ASIC2: variants seen among roughly 807,000 people sequenced by gnomAD.
ASIC2 encodes acid-sensing ion channel 2.
Under a neutral mutation model 57.3 loss-of-function variants are expected in ASIC2, and 25 were observed. That is an observed-to-expected ratio of 0.44 (90% CI 0.32 to 0.61). ASIC2 has a LOEUF of 0.61. Among genes scored for constraint, ASIC2 ranks in the 20% least tolerant of loss-of-function variants. The pLI is 0.06. For synonymous variants in ASIC2, 319 were observed against 307.5 expected (o/e 1.04, Z -0.39); for missense variants, 641 against 738.1 (o/e 0.87, Z 1.52).
intron 1 of ASIC2, among the ~76,000 whole-genome samples, chr17:33,383,633 T>G (rs941715924): frequency 2.0e-5 from 3 of 152,098 alleles, no homozygotes; most frequent in Non-Finnish European, 2.9e-5. Context: ...AGAGACAGAG[T>G]CAGGTTAGCC....
At chr17:33,623,296 CTG>C (rs1905866645) in intron 1 of ASIC2, among the ~76,000 whole-genome samples, 2 of 151,972 alleles carry the variant, frequency 1.3e-5, no homozygotes, top group Admixed American at 1.3e-4. Flanking sequence ...GAGTCTCTCT[CTG>C]TCACCAGGTT....
intron 1 of ASIC2, chr17:34,001,951 C>T (rs1164483862): frequency 6.6e-6 from 1 of 152,210 alleles, no homozygotes; most frequent in Non-Finnish European, 1.5e-5. Context: ...CTATGTGTGT[C>T]TTTTTATGGG....
chr17:33,098,538 C>T (rs2092193991), intron 2 of ASIC2, among the ~76,000 whole-genome samples: 1 of 152,166 alleles, frequency 6.6e-6, no homozygotes, highest in Admixed American at 6.5e-5. Flanking sequence ...TATGCCTGTT[C>T]TGGGTGGCAG....
At chr17:34,088,254 C>G (rs1246805360) in intron 1 of ASIC2, among the ~76,000 whole-genome samples, 7 of 152,320 alleles carry the variant, frequency 4.6e-5, no homozygotes, top group African/African-American at 1.4e-4. Context: ...AGTTTTCCTT[C>G]TAACAGACAG....
intron 1 of ASIC2, among the ~76,000 whole-genome samples, chr17:33,458,618 G>C (rs1300884226): frequency 6.6e-6 from 1 of 152,122 alleles, no homozygotes; most frequent in Non-Finnish European, 1.5e-5. Context: ...GCAAATAGAT[G>C]AATGTTTATA....
At chr17:33,880,930 T>A (rs1914682930) in intron 1 of ASIC2, among the ~76,000 whole-genome samples, 1 of 152,278 alleles carries the variant, frequency 6.6e-6, no homozygotes, top group South Asian at 2.1e-4. Context: ...GTGGGCTTCA[T>A]CCCTGGGATG....
intron 1 of ASIC2, among the ~76,000 whole-genome samples, chr17:33,124,415 A>G (rs1369066784): frequency 6.6e-6 from 1 of 152,156 alleles, no homozygotes; most frequent in Non-Finnish European, 1.5e-5. Flanking sequence ...TAACAGACAT[A>G]ATTGATTGAT....
chr17:33,359,008 G>A (rs1184640511), intron 1 of ASIC2, among the ~76,000 whole-genome samples: 2 of 152,192 alleles, frequency 1.3e-5, no homozygotes, highest in Non-Finnish European at 2.9e-5. Context: ...TTAAGAAGGT[G>A]GGGAGCCTCT....
intron 1 of ASIC2, among the ~76,000 whole-genome samples, chr17:33,750,987 G>T (rs1227253289): frequency 3.3e-4 from 50 of 152,128 alleles, no homozygotes; most frequent in Admixed American, 3.3e-3. Context: ...TACAGATTGG[G>T]TTGCTGGGAG....
intron 1 of ASIC2, among the ~76,000 whole-genome samples, chr17:33,267,486 T>C (rs1019859300): frequency 2.6e-5 from 4 of 152,218 alleles, no homozygotes; most frequent in Non-Finnish European, 2.9e-5. Flanking sequence ...TCGAGGATCA[T>C]TAATTGCCTT....
intron 1 of ASIC2, chr17:33,580,240 G>A (rs1360160623): frequency 2.0e-5 from 3 of 152,170 alleles, no homozygotes; most frequent in Non-Finnish European, 4.4e-5. Context: ...CTAATTAAAT[G>A]CAAAGGACCC....
chr17:33,528,167 G>GGTGTGTGTGTGTGT (rs56235143), intron 1 of ASIC2, among the ~76,000 whole-genome samples: 2,720 of 143,462 alleles, frequency 0.019, 43 homozygotes, highest in Non-Finnish European at 0.024. Context: ...GTATGTGGTA[G>GGTGTGTGTGTGTGT]GTGTGTGTGT....
At position 33,269,685 on chromosome 17, in the gene ASIC2, T is replaced by TC. The variant is rs1429667347; in HGVS notation, c.708+21722dup. Among the ~76,000 whole-genome samples, 77 of 68,492 alleles carry TC rather than the reference T, an allele frequency of 1.1e-3. 1 individual carries two copies. Among genetic ancestry groups the TC allele is most frequent in the Admixed American group, 2.4e-3 (14 of 5,760 alleles). 44.9% of individuals were successfully genotyped at this position (68,492 alleles called of 152,430 possible). On this transcript the variant is annotated intron_variant, in intron 1 of 9. Coordinates refer to ENST00000225823, the MANE Select transcript of ASIC2 (RefSeq NM_183377.2). ...TTCCTTCCTTCCTTCCCTCCCTCCC[T>TC]CCTGCCTGCCTGCCTGCCTGCCTGC...
chr17:34,156,542 G>T lies in ASIC2; in HGVS notation c.-10C>A, dbSNP rs750651479. 6.4e-7 allele frequency: 1 copy of T among 1,572,628 alleles called. No homozygotes were observed. The highest frequency in any genetic ancestry group is 8.7e-7 in the Non-Finnish European group (1 of 1,155,328). On this transcript the variant is annotated 5_prime_UTR_variant, in exon 1 of 10. Transcript: ENST00000359872. The surrounding 1 kb of genome is among the most constrained non-coding windows in gnomAD (Gnocchi z 4.4). ...TTTCCTTGAGGTCCATCGGGACCCC[G>T]TGCAGTTCCGCAACTGGCTTCAGGT... is the stretch of plus-strand genomic sequence containing the variant.
Position 33,432,153 on chromosome 17 carries a change from C to T in ASIC2, c.556-320086G>A, listed in dbSNP as rs540006048. Among the ~76,000 whole-genome samples the T allele has an allele frequency of 2.0e-5, 3 of 152,294 alleles. No homozygotes were observed. The South Asian group carries it at 6.2e-4, about 32-fold the overall frequency. ...TAGATTTTCTTCTGCCTCTGCCACC[C>T]CTGAGACAGCAAGACCTCCTCTTCC... On this transcript the variant is annotated intron_variant, in intron 1 of 9. Coordinates refer to the ASIC2 transcript ENST00000359872.
chr17:33,264,884 A>C (rs1271303246), intron 1 of ASIC2, among the ~76,000 whole-genome samples: 1 of 152,250 alleles, frequency 6.6e-6, no homozygotes, highest in Non-Finnish European at 1.5e-5. Flanking sequence ...AATCAGAACC[A>C]CATGTGTTGG....
At chr17:33,215,498 T>C (rs1907441549) in intron 1 of ASIC2, among the ~76,000 whole-genome samples, 4 of 152,204 alleles carry the variant, frequency 2.6e-5, no homozygotes, top group Admixed American at 2.0e-4. Flanking sequence ...ATGAAAATGT[T>C]AATGTTATAA....
intron 1 of ASIC2, among the ~76,000 whole-genome samples, chr17:33,805,526 T>C (rs895997935): frequency 1.3e-5 from 2 of 152,216 alleles, no homozygotes; most frequent in African/African-American, 2.4e-5. Flanking sequence ...GTGAGGAGTC[T>C]TAGAATCCAA....
chr17:33,984,035 C>G (rs1389155544), intron 1 of ASIC2, among the ~76,000 whole-genome samples: 1 of 152,186 alleles, frequency 6.6e-6, no homozygotes, highest in African/African-American at 2.4e-5. Context: ...CCTTTTCATG[C>G]TCTTTTCTAT....
Sources: gnomAD v4.1 joint callset for allele counts (sites outside exome capture counted in the v4.1 genomes callset) on GRCh38, gnomAD v4.1.1 for gene constraint, Gnocchi (gnomAD v3.1) non-coding constraint, MANE v1.5 for transcripts, NCBI Gene and HGNC (gene_info 2026-07-23, HGNC 2026-07-21) for gene names.